Variants in NPC2 observed in about 807,000 individuals in gnomAD.
The protein encoded by NPC2 is Niemann-Pick disease type C2 protein.
NPC2 carries 14 observed loss-of-function variants against 17.0 expected under a neutral mutation model. The observed-to-expected ratio is 0.82, with a 90% CI of 0.54 to 1.29. The LOEUF (loss-of-function observed/expected upper bound fraction) is 1.29, where lower values mean the gene tolerates loss of function less well. Among genes scored for constraint, NPC2 ranks in the 50% most tolerant of loss-of-function variants. NPC2 has a pLI of 0.00. For synonymous variants in NPC2, 75 were observed against 69.3 expected (o/e 1.08, Z -0.41); for missense variants, 167 against 183.4 (o/e 0.91, Z 0.52).
At chr14:74,483,431 G>A in intron 3 of NPC2, 1 of 1,522,446 alleles carries the variant, frequency 6.6e-7, no homozygotes, top group South Asian at 1.1e-5. Context: ...AATATTTTAT[G>A]ACCTGGTCAG....
At chr14:74,489,433 G>C (rs2139672970) in intron 1 of NPC2, among the ~76,000 whole-genome samples, 1 of 152,316 alleles carries the variant, frequency 6.6e-6, no homozygotes, top group Middle Eastern at 3.4e-3. Flanking sequence ...GGATTCATCT[G>C]ACTTGTCCAG....
intron 1 of NPC2, among the ~76,000 whole-genome samples, chr14:74,489,909 TTAGG>T (rs1235976520): frequency 6.6e-6 from 1 of 152,236 alleles, no homozygotes; most frequent in Non-Finnish European, 1.5e-5. Flanking sequence ...AATACAGATC[TTAGG>T]TAAGTGTTTG....
chr14:74,485,793 T>C (rs962049051), intron 2 of NPC2, among the ~76,000 whole-genome samples: 3 of 152,240 alleles, frequency 2.0e-5, no homozygotes, highest in African/African-American at 7.2e-5. Context: ...GTTCCAATGA[T>C]ATTTCTTGAA....
At chr14:74,480,404 G>A (rs1158111409) in intron 4 of NPC2, 116 bp from the exon 5 acceptor site, 1 of 937,464 alleles carries the variant, frequency 1.1e-6, no homozygotes, top group Non-Finnish European at 1.8e-6. Flanking sequence ...TTCAGGTCCT[G>A]TCTGGCTGGA....
Position 74,480,004 on chromosome 14 carries a change from C to T in NPC2, c.*270G>A. ...GTAAATTTCCAGGTGTAGAAAGAGG[C>T]CACAAGTTAATGTTGTTAAAAAAAA... On this transcript the variant is annotated 3_prime_UTR_variant, in exon 5 of 5. Coordinates refer to ENST00000555619, the MANE Select transcript of NPC2 (RefSeq NM_006432.5). The T allele has an allele frequency of 1.4e-6, 2 of 1,421,838 alleles. No individual in the cohort carries two copies. The highest frequency in any genetic ancestry group is 1.8e-6 in the Non-Finnish European group (2 of 1,089,268). 88.1% of individuals were successfully genotyped at this position (1,421,838 alleles called of 1,614,324 possible).
Position 74,480,036 on chromosome 14 carries a change from A to T in NPC2, c.*238T>A. 1 of 1,479,998 alleles carries T rather than the reference A, an allele frequency of 6.8e-7. No individual in the cohort carries two copies. Among genetic ancestry groups the T allele is most frequent in the South Asian group, 1.3e-5 (1 of 76,430 alleles). The allele number at this position is 1,479,998 out of a possible 1,614,324, so 91.7% of individuals were successfully genotyped here. On this transcript the variant is annotated 3_prime_UTR_variant, in exon 5 of 5. Coordinates refer to ENST00000555619, the MANE Select transcript of NPC2 (RefSeq NM_006432.5). Reference sequence around the variant, plus strand: ...TTAATGTTGTTAAAAAAAAAATTAAACATCTGCTAACCAAGTGCTGCATTT... The same window carrying T: ...TTAATGTTGTTAAAAAAAAAATTAATCATCTGCTAACCAAGTGCTGCATTT...
chr14:74,483,945 T>A (rs2086681422), intron 3 of NPC2, among the ~76,000 whole-genome samples: 2 of 152,242 alleles, frequency 1.3e-5, no homozygotes, highest in Admixed American at 6.5e-5. Flanking sequence ...TCATTTTATA[T>A]TTTAAAAATT....
chr14:74,481,757 T>G (rs550646169), intron 3 of NPC2, among the ~76,000 whole-genome samples: 1 of 152,372 alleles, frequency 6.6e-6, no homozygotes, highest in South Asian at 2.1e-4. Flanking sequence ...AATAATGTAC[T>G]TCATCAGAAA....
At chr14:74,487,583 G>A (rs2086727727) in intron 1 of NPC2, among the ~76,000 whole-genome samples, 1 of 152,168 alleles carries the variant, frequency 6.6e-6, no homozygotes, top group Non-Finnish European at 1.5e-5. Context: ...CGCACTTTAT[G>A]CGGAAACAGC....
chr14:74,492,409 G>A lies in NPC2; in HGVS notation c.82+784C>T, dbSNP rs567264559. Among the ~76,000 whole-genome samples the A allele has an allele frequency of 5.9e-5, 9 of 152,314 alleles. No individual in the cohort carries two copies. The South Asian group carries it at 1.9e-3, about 32-fold the overall frequency. On this transcript the variant is annotated intron_variant, in intron 1 of 4. Transcript: ENST00000555619. Reference sequence around the variant, plus strand: ...CTACCCAACATCCCTGGAATTCAATGATTGATTATACGATCTCCGTGCTTC... The same window carrying A: ...CTACCCAACATCCCTGGAATTCAATAATTGATTATACGATCTCCGTGCTTC...
In NPC2 at chr14:74,492,093, C is replaced by T. The variant is rs149975751; in HGVS notation, c.82+1100G>A. ...AGAGGTCAGCAAGAAGAACTCACTTCGACTCTCCTATGATTTTATCTTCAA... is the reference window on the plus strand; with the variant it reads ...AGAGGTCAGCAAGAAGAACTCACTTTGACTCTCCTATGATTTTATCTTCAA... On this transcript the variant is annotated intron_variant, in intron 1 of 4. Transcript: ENST00000555619. Among the ~76,000 whole-genome samples the T allele has an allele frequency of 5.1e-3, 772 of 152,208 alleles. 4 individuals are homozygous for T. The highest frequency in any genetic ancestry group is 0.027 in the Middle Eastern group (8 of 294).
intron 3 of NPC2, among the ~76,000 whole-genome samples, chr14:74,482,262 C>T (rs575819009): frequency 4.7e-4 from 71 of 152,320 alleles, no homozygotes; most frequent in South Asian, 1.7e-3. Flanking sequence ...TAATTACTTA[C>T]CTTTCCTAGA....
intron 1 of NPC2, among the ~76,000 whole-genome samples, chr14:74,487,553 C>T (rs1038520416): frequency 1.3e-5 from 2 of 152,214 alleles, no homozygotes; most frequent in African/African-American, 4.8e-5. Context: ...AGGCATGAGC[C>T]ACCGCACCTG....
At chr14:74,492,811 T>A (rs1010133958) in intron 1 of NPC2, among the ~76,000 whole-genome samples, 1 of 151,454 alleles carries the variant, frequency 6.6e-6, no homozygotes, top group Non-Finnish European at 1.5e-5. Flanking sequence ...GCAAAAGGAG[T>A]TGGAAGGGGG....
chr14:74,486,305 G>T, intron 2 of NPC2, 24 bp downstream of exon 2: 1 of 1,546,674 alleles, frequency 6.5e-7, no homozygotes, highest in East Asian at 2.3e-5. Context: ...ACATGAATTT[G>T]AGTTAAGAGC....
Position 74,480,496 on chromosome 14 carries a change from C to T in NPC2, c.441+206G>A, listed in dbSNP as rs545365128. 72 of 765,260 alleles carry T rather than the reference C, an allele frequency of 9.4e-5. 1 individual carries two copies. The highest frequency in any genetic ancestry group is 9.0e-4 in the South Asian group (63 of 69,942). 47.4% of individuals were successfully genotyped at this position (765,260 alleles called of 1,614,324 possible). ...TCTCACTCTCTCTTCTTTCCTTCAA[C>T]CTTTTTTTTTTTTAACAAAGGATAT... is the stretch of plus-strand genomic sequence containing the variant. On this transcript the variant is annotated intron_variant, in intron 4 of 4. Transcript: ENST00000555619.
At chr14:74,486,800 A>G (rs1280816824) in intron 1 of NPC2, among the ~76,000 whole-genome samples, 1 of 152,222 alleles carries the variant, frequency 6.6e-6, no homozygotes, top group Non-Finnish European at 1.5e-5. Flanking sequence ...CTTATCTCGC[A>G]TTCTTAATGG....
At position 74,483,134 on chromosome 14, in the gene NPC2, T is replaced by C; in HGVS notation, c.363+1281A>G. ...TGCCAACAGTGTATGCTTAAAATCC[T>C]AGATACTGCAGGCACAGGGCAATTT... On this transcript the variant is annotated intron_variant, in intron 3 of 4. Coordinates refer to ENST00000555619, the MANE Select transcript of NPC2 (RefSeq NM_006432.5). 2.2e-6 allele frequency: 2 copies of C among 904,916 alleles called. 1 individual carries two copies. Among genetic ancestry groups the C allele is most frequent in the South Asian group, 2.7e-5 (2 of 73,060 alleles). 56.1% of individuals were successfully genotyped at this position (904,916 alleles called of 1,614,324 possible).
chr14:74,486,507 A>G (rs540767393), intron 1 of NPC2, 71 bp from the exon 2 acceptor site: 683 of 1,210,796 alleles, frequency 5.6e-4, no homozygotes, highest in Non-Finnish European at 7.6e-4. Context: ...CCCACCACCT[A>G]ATGGGAAGGT....
Sources: allele counts gnomAD v4.1 joint callset (sites outside exome capture counted in the v4.1 genomes callset), GRCh38; gene constraint gnomAD v4.1.1; transcripts MANE v1.5; gene names NCBI Gene and HGNC (gene_info 2026-07-23, HGNC 2026-07-21).